ENTREP2: variants seen among roughly 807,000 people sequenced by gnomAD.
The protein encoded by ENTREP2 is protein ENTREP2.
the ENTREP2 span, among the ~76,000 whole-genome samples, chr15:29,188,899 G>A: frequency 1.3e-5 from 2 of 152,176 alleles, no homozygotes; most frequent in South Asian, 2.1e-4. Flanking sequence ...GGTTCAGAGA[G>A]CTTCTGCGTC....
At chr15:29,520,700 G>A in the ENTREP2 span, among the ~76,000 whole-genome samples, 1 of 152,168 alleles carries the variant, frequency 6.6e-6, no homozygotes, top group South Asian at 2.1e-4. Flanking sequence ...GAACTAATAA[G>A]TGAGTTTAGG....
the ENTREP2 span, among the ~76,000 whole-genome samples, chr15:29,446,328 T>G: frequency 6.6e-6 from 1 of 152,216 alleles, no homozygotes; most frequent in Non-Finnish European, 1.5e-5. Context: ...AGTGGCCATG[T>G]GACCCAATTC....
chr15:29,348,322 C>T, the ENTREP2 span, among the ~76,000 whole-genome samples: 1 of 151,986 alleles, frequency 6.6e-6, no homozygotes, highest in African/African-American at 2.4e-5. Context: ...GAAATGGAAA[C>T]AGGGGGAGGT....
chr15:29,438,988 G>A, the ENTREP2 span, among the ~76,000 whole-genome samples: 1 of 152,166 alleles, frequency 6.6e-6, no homozygotes, highest in East Asian at 1.9e-4. Flanking sequence ...CACTAACTGA[G>A]TATCCATGAT....
At chr15:29,415,181 T>A in the ENTREP2 span, among the ~76,000 whole-genome samples, 99 of 152,236 alleles carry the variant, frequency 6.5e-4, no homozygotes, top group African/African-American at 2.3e-3. Flanking sequence ...ATACAAAGTC[T>A]GGCAGAGACA....
At chr15:29,329,806 T>C in the ENTREP2 span, among the ~76,000 whole-genome samples, 18 of 152,190 alleles carry the variant, frequency 1.2e-4, no homozygotes, top group African/African-American at 4.3e-4. Context: ...ACTGTGAGTA[T>C]AAAATAAATA....
At chr15:29,332,873 C>A in the ENTREP2 span, among the ~76,000 whole-genome samples, 1 of 150,764 alleles carries the variant, frequency 6.6e-6, no homozygotes, top group Non-Finnish European at 1.5e-5. Context: ...GCAGCAGAAT[C>A]GCTTGAACCC....
chr15:29,222,223 G>A, the ENTREP2 span, among the ~76,000 whole-genome samples: 6 of 152,212 alleles, frequency 3.9e-5, no homozygotes, highest in East Asian at 1.2e-3. Flanking sequence ...TGATCTCTGG[G>A]TCATCCTCAC....
chr15:29,657,429 G>C, the ENTREP2 span, among the ~76,000 whole-genome samples: 3 of 128,270 alleles, frequency 2.3e-5, no homozygotes, highest in Non-Finnish European at 4.7e-5. Context: ...AAAGGACAAA[G>C]CTTCCACCAC....
At chr15:29,169,052 G>A in the ENTREP2 span, among the ~76,000 whole-genome samples, 1 of 152,136 alleles carries the variant, frequency 6.6e-6, no homozygotes. Flanking sequence ...TGATATTCAA[G>A]GCAAAGTAAT....
chr15:29,286,442 T>TC, the ENTREP2 span, among the ~76,000 whole-genome samples: 6 of 152,288 alleles, frequency 3.9e-5, no homozygotes, highest in East Asian at 1.9e-4. Context: ...CAACGCAATC[T>TC]CCCCCCTACA....
At chr15:29,242,150 T>C in the ENTREP2 span, among the ~76,000 whole-genome samples, 1 of 152,226 alleles carries the variant, frequency 6.6e-6, no homozygotes, top group African/African-American at 2.4e-5. Context: ...CTTGGCTCAC[T>C]GCAACCTCCA....
At chr15:29,416,573 G>A in the ENTREP2 span, among the ~76,000 whole-genome samples, 25 of 152,076 alleles carry the variant, frequency 1.6e-4, no homozygotes, top group Admixed American at 1.3e-4. Context: ...ATACCATTCA[G>A]GACATAGGCA....
the ENTREP2 span, among the ~76,000 whole-genome samples, chr15:29,299,401 G>A: frequency 6.6e-6 from 1 of 152,114 alleles, no homozygotes; most frequent in Non-Finnish European, 1.5e-5. Flanking sequence ...CCTCTTCAGC[G>A]TCACCTTTTA....
the ENTREP2 span, among the ~76,000 whole-genome samples, chr15:29,450,035 T>A: frequency 6.6e-6 from 1 of 152,196 alleles, no homozygotes; most frequent in African/African-American, 2.4e-5. Flanking sequence ...GCTTGTTGAC[T>A]GCACGTATGT....
At chr15:29,426,061 T>C in the ENTREP2 span, among the ~76,000 whole-genome samples, 1 of 151,142 alleles carries the variant, frequency 6.6e-6, no homozygotes, top group Non-Finnish European at 1.5e-5. Flanking sequence ...TTTTAATAAT[T>C]AAATAATTGA....
chr15:29,173,220 G>A, the ENTREP2 span, among the ~76,000 whole-genome samples: 5 of 152,198 alleles, frequency 3.3e-5, no homozygotes, highest in African/African-American at 1.2e-4. Flanking sequence ...TGCACAGGAG[G>A]GTGCTGTAAG....
chr15:29,263,221 C>G, the ENTREP2 span, among the ~76,000 whole-genome samples: 1 of 152,156 alleles, frequency 6.6e-6, no homozygotes, highest in Non-Finnish European at 1.5e-5. Context: ...CAAAAAACAC[C>G]AGGCCCACAG....
chr15:29,345,671 G>A, the ENTREP2 span, among the ~76,000 whole-genome samples: 1 of 151,636 alleles, frequency 6.6e-6, no homozygotes, highest in Non-Finnish European at 1.5e-5. Flanking sequence ...ACCCCCCAGG[G>A]ATTCCTTCTC....
Sources: gnomAD v4.1 joint callset for allele counts (sites outside exome capture counted in the v4.1 genomes callset) on GRCh38, gnomAD v4.1.1 for gene constraint, MANE v1.5 for transcripts, NCBI Gene and HGNC (gene_info 2026-07-23, HGNC 2026-07-21) for gene names.